DCDC1: variants seen among roughly 807,000 people sequenced by gnomAD.
DCDC1 encodes the protein doublecortin domain-containing protein 1.
A neutral mutation model predicts 178.3 loss-of-function variants in DCDC1; 200 were observed. The ratio of observed to expected loss-of-function variants is 1.12; its 90% CI spans 1.00 to 1.26. DCDC1 has a LOEUF of 1.26. Among genes scored for constraint, DCDC1 ranks in the 50% most tolerant of loss-of-function variants. DCDC1 has a pLI of 0.00. For missense variants in DCDC1, 1,983 were observed against 1,749.2 expected, an observed-to-expected ratio of 1.13 and a Z score of -2.38; for synonymous variants, 690 against 604.8, an observed-to-expected ratio of 1.14 and a Z score of -2.07.
chr11:31,342,442 A>G (rs1163459446), intron 1 of DCDC1, among the ~76,000 whole-genome samples: 1 of 152,198 alleles, frequency 6.6e-6, no homozygotes, highest in East Asian at 1.9e-4. Flanking sequence ...ACTTGGAAGC[A>G]TTTGGCACAG....
chr11:31,186,169 T>C (rs1466936489), intron 9 of DCDC1, among the ~76,000 whole-genome samples: 1 of 152,104 alleles, frequency 6.6e-6, no homozygotes, highest in Non-Finnish European at 1.5e-5. Context: ...GCTGGCCTAC[T>C]GGCTTCATGT....
chr11:30,922,675 G>A, intron 23 of DCDC1, 37 bp from the exon 24 acceptor site: 1 of 1,459,388 alleles, frequency 6.9e-7, no homozygotes, highest in Non-Finnish European at 9.0e-7. Flanking sequence ...GTATATAATT[G>A]TCACAGCAGC....
At chr11:31,153,762 G>T (rs1378942173) in intron 9 of DCDC1, among the ~76,000 whole-genome samples, 1 of 134,194 alleles carries the variant, frequency 7.5e-6, no homozygotes, top group African/African-American at 2.9e-5. Context: ...CAGCCTGGGC[G>T]ATAGAGCCAG....
chr11:31,269,874 G>T (rs1945433967), intron 7 of DCDC1, among the ~76,000 whole-genome samples: 1 of 152,140 alleles, frequency 6.6e-6, no homozygotes, highest in African/African-American at 2.4e-5. Context: ...TATAGAGTTT[G>T]CAGCTCCTGG....
intron 17 of DCDC1, among the ~76,000 whole-genome samples, chr11:31,084,740 T>G (rs957682171): frequency 1.3e-5 from 2 of 152,034 alleles, no homozygotes; most frequent in African/African-American, 4.8e-5. Context: ...TTTTGTTTGT[T>G]TGCTTGTTTC....
At chr11:31,228,699 A>G (rs1285014786) in intron 9 of DCDC1, among the ~76,000 whole-genome samples, 12 of 152,128 alleles carry the variant, frequency 7.9e-5, no homozygotes, top group African/African-American at 2.7e-4. Flanking sequence ...AATTGCCAAT[A>G]TAAGGAATTA....
chr11:30,971,299 T>C (rs1383146993), intron 20 of DCDC1, among the ~76,000 whole-genome samples: 1 of 151,838 alleles, frequency 6.6e-6, no homozygotes, highest in Non-Finnish European at 1.5e-5. Flanking sequence ...AAGAACACAA[T>C]AATTCTCCAG....
chr11:31,024,726 ATTTTATGTCCTAATAT>A (rs1410982948), intron 20 of DCDC1, among the ~76,000 whole-genome samples: 1 of 151,942 alleles, frequency 6.6e-6, no homozygotes, highest in Non-Finnish European at 1.5e-5. Flanking sequence ...ACATACATAC[ATTTTATGTCCTAATAT>A]TTTTATGTCC....
At chr11:31,360,676 A>G (rs1951662931) in intron 1 of DCDC1, among the ~76,000 whole-genome samples, 2 of 152,198 alleles carry the variant, frequency 1.3e-5, no homozygotes, top group Admixed American at 1.3e-4. Flanking sequence ...ACCACTGATA[A>G]GGGAGAACTA....
intron 6 of DCDC1, among the ~76,000 whole-genome samples, chr11:31,294,854 GAAAGAAA>G (rs1466571993): frequency 9.1e-4 from 111 of 121,398 alleles, no homozygotes; most frequent in African/African-American, 3.2e-3. Context: ...AAGAAAGAAA[GAAAGAAA>G]GAAAGAAAAA....
intron 20 of DCDC1, among the ~76,000 whole-genome samples, chr11:31,012,492 G>C (rs1952234019): frequency 1.3e-5 from 2 of 151,650 alleles, no homozygotes; most frequent in Admixed American, 1.3e-4. Context: ...TGTAGTTCCA[G>C]CTACTCTGGA....
chr11:31,263,002 C>T lies in DCDC1; in HGVS notation c.1054+2505G>A, dbSNP rs749914659. The T allele has an allele frequency of 4.5e-5, 72 of 1,596,628 alleles. 1 individual carries two copies. The South Asian group carries it at 5.3e-4, about 12-fold the overall frequency. ...GTGATAATAGCACACTTCTGGGATACGTGAAGCACGAGTCATGAATCCGAA... is the reference window on the plus strand; with the variant it reads ...GTGATAATAGCACACTTCTGGGATATGTGAAGCACGAGTCATGAATCCGAA... On this transcript the variant is annotated intron_variant, in intron 8 of 38. Coordinates refer to ENST00000684477, the MANE Select transcript of DCDC1 (RefSeq NM_001387274.1).
chr11:31,027,519 T>C (rs1267195595), intron 20 of DCDC1, among the ~76,000 whole-genome samples: 1 of 151,888 alleles, frequency 6.6e-6, no homozygotes, highest in Non-Finnish European at 1.5e-5. Flanking sequence ...CACTTGTTGA[T>C]TACTTGGAAA....
chr11:31,132,882 T>A (rs536992173), intron 10 of DCDC1, among the ~76,000 whole-genome samples: 1 of 152,134 alleles, frequency 6.6e-6, no homozygotes, highest in African/African-American at 2.4e-5. Context: ...CAAAAAAATA[T>A]TGAATATTCT....
intron 7 of DCDC1, among the ~76,000 whole-genome samples, chr11:31,285,241 CTCT>C (rs138116835): frequency 0.02 from 3,018 of 152,034 alleles, 93 homozygotes; most frequent in African/African-American, 0.068. Context: ...ATTTTTAAAA[CTCT>C]TCTTTTGTGT....
chr11:30,895,504 T>C lies in DCDC1; in HGVS notation c.4766-1120A>G, dbSNP rs187362344. Among the ~76,000 whole-genome samples the C allele has an allele frequency of 4.5e-4, 69 of 152,310 alleles. 1 individual carries two copies. The highest frequency in any genetic ancestry group is 8.2e-4 in the Non-Finnish European group (56 of 68,026). On this transcript the variant is annotated intron_variant, in intron 34 of 38. Transcript: ENST00000684477. ...AACATAATCTTAATGTGAAGATTTT[T>C]AGACCATGACTCAAACAAAACTGAA...
At chr11:31,280,563 C>A (rs1227782508) in intron 7 of DCDC1, 9 of 291,884 alleles carry the variant, frequency 3.1e-5, no homozygotes, top group Non-Finnish European at 6.0e-5. Context: ...TTCTGTCAGT[C>A]ATTCATGACC....
intron 37 of DCDC1, among the ~76,000 whole-genome samples, chr11:30,880,587 T>A (rs932923965): frequency 3.9e-5 from 6 of 152,168 alleles, no homozygotes; most frequent in African/African-American, 1.4e-4. Context: ...CTGAAAATTA[T>A]ATCTTTGCTA....
intron 20 of DCDC1, among the ~76,000 whole-genome samples, chr11:31,023,096 T>G (rs1952993698): frequency 6.6e-6 from 1 of 151,866 alleles, no homozygotes; most frequent in Admixed American, 6.6e-5. Flanking sequence ...AACAATAGAG[T>G]TGGTCCCAAG....
Sources: gnomAD v4.1 joint callset for allele counts (sites outside exome capture counted in the v4.1 genomes callset) on GRCh38, gnomAD v4.1.1 for gene constraint, MANE v1.5 for transcripts, NCBI Gene and HGNC (gene_info 2026-07-23, HGNC 2026-07-21) for gene names.